Variants in VOPP1 observed in about 807,000 individuals in gnomAD.
VOPP1 encodes VOPP1 WW domain binding protein.
In VOPP1, 8 loss-of-function variants were observed where a neutral mutation model predicts 23.5. The observed-to-expected ratio is 0.34, with a 90% CI of 0.20 to 0.61. The LOEUF is 0.61. Ranked by LOEUF, VOPP1 falls within the 20% of genes least tolerant of loss-of-function variation. The pLI is 0.78. For missense variants in VOPP1, 174 were observed against 238.1 expected, an observed-to-expected ratio of 0.73 and a Z score of 1.77; for synonymous variants, 83 against 97.3, an observed-to-expected ratio of 0.85 and a Z score of 0.86.
intron 1 of VOPP1, among the ~76,000 whole-genome samples, chr7:55,564,517 T>G (rs1798100826): frequency 6.6e-6 from 1 of 152,200 alleles, no homozygotes; most frequent in South Asian, 2.1e-4. Flanking sequence ...ACCCTTTTTT[T>G]GTCTTACCTA....
rs538342935 is a variant in VOPP1 at position 55,438,951 on chromosome 7, G to A, written n.418-2777C>T. On this transcript the variant is annotated intron_variant and non_coding_transcript_variant, in intron 4 of 4. Coordinates refer to the VOPP1 transcript ENST00000462326. ...TAAGACAGTTGTCAGCTATGGCTCA[G>A]GCACAGTGGCTGGACATCTGGCAGG... 9.2e-5 allele frequency among the ~76,000 whole-genome samples: 14 copies of A among 152,272 alleles called. No individual in the cohort carries two copies. In the South Asian group the frequency reaches 2.7e-3, roughly 29 times the overall value.
At chr7:55,504,197 T>G (rs1794556052) in intron 2 of VOPP1, among the ~76,000 whole-genome samples, 1 of 152,196 alleles carries the variant, frequency 6.6e-6, no homozygotes, top group Non-Finnish European at 1.5e-5. Flanking sequence ...TGGTCTGTTC[T>G]CCTCAATCAC....
intron 1 of VOPP1, among the ~76,000 whole-genome samples, chr7:55,537,922 G>A (rs1241786354): frequency 6.6e-6 from 1 of 152,220 alleles, no homozygotes; most frequent in African/African-American, 2.4e-5. Flanking sequence ...CAGAGATGGA[G>A]GCCAGCGTGA....
intron 1 of VOPP1, among the ~76,000 whole-genome samples, chr7:55,534,640 T>C (rs887050272): frequency 2.6e-5 from 4 of 152,332 alleles, no homozygotes; most frequent in Middle Eastern, 3.4e-3. Context: ...TGTAGCCCTC[T>C]TGCAGGTGTC....
chr7:55,478,652 C>A (rs1264041195), intron 4 of VOPP1, among the ~76,000 whole-genome samples: 1 of 152,148 alleles, frequency 6.6e-6, no homozygotes, highest in Non-Finnish European at 1.5e-5. Context: ...TTCAGATTGC[C>A]TGCCTCCAAC....
rs902081634 is a variant in VOPP1, at chr7:55,471,905, G to A, written c.*950C>T. 3.3e-5 allele frequency: 5 copies of A among 152,194 alleles called. No homozygotes were observed. The highest frequency in any genetic ancestry group is 1.9e-4 in the East Asian group (1 of 5,180). The allele number at this position is 152,194 out of a possible 1,614,324, so 9.4% of individuals were successfully genotyped here. A position where few individuals can be genotyped will look rare whatever the true frequency, so the allele number is the denominator to read the frequency against. On this transcript the variant is annotated 3_prime_UTR_variant, in exon 5 of 5. Coordinates refer to ENST00000285279, the MANE Select transcript of VOPP1 (RefSeq NM_030796.5). Reference sequence around the variant, plus strand: ...GTGACTTCCCAGCCAGATGTGCCCCGTTTTGAAAGCACCCTTCAGAACCCA... The same window carrying A: ...GTGACTTCCCAGCCAGATGTGCCCCATTTTGAAAGCACCCTTCAGAACCCA...
At chr7:55,443,093 C>T (rs541385201) in intron 4 of VOPP1, among the ~76,000 whole-genome samples, 7 of 150,316 alleles carry the variant, frequency 4.7e-5, no homozygotes, top group Non-Finnish European at 7.4e-5. Flanking sequence ...AACTCCAGCC[C>T]GGGTGACAGA....
chr7:55,447,374 G>A (rs147972781), intron 4 of VOPP1, among the ~76,000 whole-genome samples: 1 of 152,186 alleles, frequency 6.6e-6, no homozygotes, highest in East Asian at 1.9e-4. Context: ...CGGTGCGTAA[G>A]GTTTGCTCAC....
At chr7:55,499,999 T>C (rs1794257497) in intron 2 of VOPP1, among the ~76,000 whole-genome samples, 1 of 152,000 alleles carries the variant, frequency 6.6e-6, no homozygotes, top group South Asian at 2.1e-4. Context: ...ACTTCTTGCT[T>C]TTAGGGTGGA....
chr7:55,510,570 CTTTT>C (rs34545604), intron 2 of VOPP1, among the ~76,000 whole-genome samples: 3 of 119,824 alleles, frequency 2.5e-5, no homozygotes, highest in Non-Finnish European at 3.5e-5. Flanking sequence ...AGGGCACTGG[CTTTT>C]TTTTTTTTTT....
intron 1 of VOPP1, among the ~76,000 whole-genome samples, chr7:55,541,380 C>G (rs1052871555): frequency 1.3e-5 from 2 of 152,208 alleles, no homozygotes; most frequent in African/African-American, 4.8e-5. Flanking sequence ...CAACATTAGT[C>G]ATTAGGGAAT....
intron 1 of VOPP1, among the ~76,000 whole-genome samples, chr7:55,522,929 G>C (rs1424833860): frequency 6.6e-6 from 1 of 152,214 alleles, no homozygotes; most frequent in African/African-American, 2.4e-5. Context: ...TTTCAGAAAG[G>C]ACTTTTTCTT....
intron 4 of VOPP1, among the ~76,000 whole-genome samples, chr7:55,488,937 C>G (rs1793353011): frequency 6.6e-6 from 1 of 152,236 alleles, no homozygotes; most frequent in Admixed American, 6.5e-5. Context: ...CCTCTCTCTC[C>G]CTGGACTGCC....
At chr7:55,484,667 A>G (rs1256297666) in intron 4 of VOPP1, among the ~76,000 whole-genome samples, 3 of 152,230 alleles carry the variant, frequency 2.0e-5, no homozygotes, top group East Asian at 3.8e-4. Flanking sequence ...ATTAACAAAA[A>G]AGAGAGAGAA....
chr7:55,476,917 C>T (rs530774044), intron 4 of VOPP1, among the ~76,000 whole-genome samples: 7 of 152,328 alleles, frequency 4.6e-5, no homozygotes, highest in Non-Finnish European at 8.8e-5. Context: ...TGTGTCTCAC[C>T]GCCTGCCCTA....
At chr7:55,475,182 A>T (rs1792142550) in intron 4 of VOPP1, among the ~76,000 whole-genome samples, 1 of 152,212 alleles carries the variant, frequency 6.6e-6, no homozygotes, top group Admixed American at 6.5e-5. Context: ...AGGGACAGAC[A>T]CAGGACAGAG....
At chr7:55,502,965 T>TA (rs1447336708) in intron 2 of VOPP1, among the ~76,000 whole-genome samples, 2 of 152,216 alleles carry the variant, frequency 1.3e-5, no homozygotes, top group Non-Finnish European at 2.9e-5. Context: ...CATATCTAAT[T>TA]ATAGTCCTGA....
At chr7:55,455,028 G>T (rs556330583) in intron 4 of VOPP1, among the ~76,000 whole-genome samples, 1 of 152,302 alleles carries the variant, frequency 6.6e-6, no homozygotes, top group Admixed American at 6.5e-5. Flanking sequence ...GTCTCTGTTT[G>T]CAGACAGCAT....
rs1315687953 is a variant in VOPP1 at position 55,472,123 on chromosome 7, G to A, written c.*732C>T. ...AGACCAAGAGCTCACAAAATGCAAT[G>A]TCTCAGTTTGGGGCAGGAAGTGATT... On this transcript the variant is annotated 3_prime_UTR_variant, in exon 5 of 5. Transcript: ENST00000285279. The A allele has an allele frequency of 1.3e-5, 2 of 151,852 alleles. No individual in the cohort carries two copies. Among genetic ancestry groups the A allele is most frequent in the African/African-American group, 2.4e-5 (1 of 41,284 alleles). 9.4% of individuals were successfully genotyped at this position (151,852 alleles called of 1,614,324 possible).
Sources: allele counts gnomAD v4.1 joint callset (sites outside exome capture counted in the v4.1 genomes callset), GRCh38; gene constraint gnomAD v4.1.1; transcripts MANE v1.5; gene names NCBI Gene and HGNC (gene_info 2026-07-23, HGNC 2026-07-21).